DMD: variants seen among roughly 807,000 people sequenced by gnomAD.
DMD encodes the protein dystrophin, also known as mutant dystrophin.
Under a neutral mutation model 330.1 loss-of-function variants are expected in DMD, and 63 were observed. The observed-to-expected ratio is 0.19, with a 90% CI of 0.16 to 0.24. The LOEUF is 0.24. DMD is among the 10% of genes least tolerant of loss of function. The pLI, the probability that DMD is intolerant of heterozygous loss-of-function variation, is 1.00. For synonymous variants in DMD, 1,223 were observed against 959.8 expected, an observed-to-expected ratio of 1.27 and a Z score of -5.07; for missense variants, 3,344 against 2,684.1, an observed-to-expected ratio of 1.25 and a Z score of -5.43.
At chrX:31,951,418 A>G (rs976362698) in intron 45 of DMD, among the ~76,000 whole-genome samples, 2 of 107,510 alleles carry the variant, frequency 1.9e-5, no homozygotes, top group Non-Finnish European at 3.9e-5. Context: ...TTGCAATTAC[A>G]TGTGCCATAT....
At chrX:31,591,723 A>G (rs2076881936) in intron 55 of DMD, among the ~76,000 whole-genome samples, 2 of 111,414 alleles carry the variant, frequency 1.8e-5, no homozygotes, top group Non-Finnish European at 3.8e-5. Flanking sequence ...CTCTCATTAT[A>G]TTTAATTTCC....
At chrX:32,168,291 C>G (rs938562714) in intron 44 of DMD, among the ~76,000 whole-genome samples, 1 of 111,457 alleles carries the variant, frequency 9.0e-6, no homozygotes, top group Non-Finnish European at 1.9e-5. Context: ...CTCCCCAATG[C>G]TAGACTAACA....
intron 49 of DMD, among the ~76,000 whole-genome samples, chrX:31,829,577 G>GA (rs1200682851): frequency 3.6e-5 from 4 of 110,816 alleles, no homozygotes; most frequent in African/African-American, 1.3e-4. Flanking sequence ...TTAAGACAAG[G>GA]AAAAAAGCCT....
At chrX:31,885,809 A>G (rs949317115) in intron 47 of DMD, among the ~76,000 whole-genome samples, 10 of 110,431 alleles carry the variant, frequency 9.1e-5, no homozygotes, top group Admixed American at 7.8e-4. Context: ...AAGTAAACAT[A>G]TTTTGAAAAT....
intron 50 of DMD, among the ~76,000 whole-genome samples, chrX:31,814,038 T>C (rs1266826364): frequency 9.0e-6 from 1 of 110,935 alleles, no homozygotes; most frequent in Non-Finnish European, 1.9e-5. Context: ...AGAAACAGTC[T>C]GTTGATCCCT....
chrX:31,576,440 T>C (rs1462480217), intron 55 of DMD, among the ~76,000 whole-genome samples: 1 of 110,809 alleles, frequency 9.0e-6, no homozygotes, highest in African/African-American at 3.3e-5. Context: ...ATTACTTTTT[T>C]TTTTTTTTAA....
At chrX:31,619,507 A>C (rs1383692751) in intron 55 of DMD, among the ~76,000 whole-genome samples, 1 of 111,948 alleles carries the variant, frequency 8.9e-6, no homozygotes, top group East Asian at 2.8e-4. Context: ...ATTAATAAGG[A>C]CCTTTCACTT....
chrX:33,308,629 G>A (rs959392209), intron 1 of DMD, among the ~76,000 whole-genome samples: 8 of 111,375 alleles, frequency 7.2e-5, no homozygotes, highest in Admixed American at 4.8e-4. Flanking sequence ...CCAATTGAGT[G>A]TTTTCCAAAG....
At chrX:32,078,392 C>G (rs1239009027) in intron 44 of DMD, among the ~76,000 whole-genome samples, 1 of 112,098 alleles carries the variant, frequency 8.9e-6, no homozygotes, top group Non-Finnish European at 1.9e-5. Context: ...AATGACTGGT[C>G]TTTTTATTCC....
At chrX:32,348,273 AT>A in intron 38 of DMD, 132 bp downstream of exon 38, 1 of 660,879 alleles carries the variant, frequency 1.5e-6, no homozygotes, top group Non-Finnish European at 2.3e-6. Context: ...AATATTCTGC[AT>A]TTATAAAATT....
intron 2 of DMD, among the ~76,000 whole-genome samples, chrX:32,996,042 C>A (rs945201436): frequency 2.7e-5 from 3 of 111,976 alleles, no homozygotes; most frequent in Non-Finnish European, 5.6e-5. Flanking sequence ...AGGTCATTTT[C>A]TTTCCAAGTA....
intron 48 of DMD, among the ~76,000 whole-genome samples, chrX:31,837,655 T>C (rs2093231531): frequency 9.0e-6 from 1 of 111,677 alleles, no homozygotes; most frequent in African/African-American, 3.3e-5. Context: ...GAGCAGCTCC[T>C]GATTAACCCG....
intron 2 of DMD, among the ~76,000 whole-genome samples, chrX:32,961,069 A>G (rs1480814176): frequency 9.0e-6 from 1 of 111,667 alleles, no homozygotes; most frequent in African/African-American, 3.3e-5. Flanking sequence ...TGGAAGCATA[A>G]AATATATATT....
intron 50 of DMD, among the ~76,000 whole-genome samples, chrX:31,816,923 C>A (rs2092646297): frequency 9.0e-6 from 1 of 111,550 alleles, no homozygotes; most frequent in South Asian, 3.8e-4. Flanking sequence ...TGCTGGCCAG[C>A]TGCATCTGTA....
chrX:32,190,645 A>G (rs1201932472), intron 44 of DMD, among the ~76,000 whole-genome samples: 3 of 101,383 alleles, frequency 3.0e-5, no homozygotes, highest in Non-Finnish European at 6.0e-5. Flanking sequence ...TTTAAGAGAT[A>G]TTTTCTATCA....
chrX:32,201,115 A>C (rs1030273408), intron 44 of DMD, among the ~76,000 whole-genome samples: 2 of 111,991 alleles, frequency 1.8e-5, no homozygotes, highest in Admixed American at 9.5e-5. Context: ...TGGATGTCTG[A>C]AACTGCAGAT....
chrX:31,199,551 T>A (rs948825587), intron 67 of DMD, among the ~76,000 whole-genome samples: 1 of 112,198 alleles, frequency 8.9e-6, no homozygotes, highest in African/African-American at 3.2e-5. Flanking sequence ...GGTGATTTCC[T>A]TTTCTAAGTG....
Position 32,024,458 on chromosome X carries a change from G to T in DMD, c.6439-55944C>A, listed in dbSNP as rs750413156. On this transcript the variant is annotated intron_variant, in intron 44 of 78. Coordinates refer to ENST00000357033, the MANE Select transcript of DMD (RefSeq NM_004006.3). ...GCTGAGATTGCGCCACCTCACTCCAGCCTGGGCGAAAGAGCGAAACTCCCT... is the reference window on the plus strand; with the variant it reads ...GCTGAGATTGCGCCACCTCACTCCATCCTGGGCGAAAGAGCGAAACTCCCT... Among the ~76,000 whole-genome samples, 4 of 95,165 alleles carry T rather than the reference G, an allele frequency of 4.2e-5. No homozygotes were observed. In the East Asian group the frequency reaches 1.3e-3, roughly 32 times the overall value. 82.6% of individuals were successfully genotyped at this position (95,165 alleles called of 115,157 possible). A position where few individuals can be genotyped will look rare whatever the true frequency, so the allele number is the denominator to read the frequency against.
In DMD at chrX:32,501,848, G is replaced by A. The variant is rs2044088344; in HGVS notation, c.2293-6C>T. On this transcript the variant is annotated splice_polypyrimidine_tract_variant and splice_region_variant and intron_variant, in intron 18 of 78. Coordinates refer to ENST00000357033, the MANE Select transcript of DMD (RefSeq NM_004006.3). Reference sequence around the variant, plus strand: ...GCTTTTTCTCGCTCTATGGCCTGCAGCATGAGAGCAAAGATGAGTAATTCA... The same window carrying A: ...GCTTTTTCTCGCTCTATGGCCTGCAACATGAGAGCAAAGATGAGTAATTCA... 8.5e-7 allele frequency: 1 copy of A among 1,175,921 alleles called. No homozygotes were observed. Among genetic ancestry groups the A allele is most frequent in the Non-Finnish European group, 1.2e-6 (1 of 866,235 alleles).
Sources: gnomAD v4.1 joint callset for allele counts (sites outside exome capture counted in the v4.1 genomes callset) on GRCh38, gnomAD v4.1.1 for gene constraint, MANE v1.5 for transcripts, NCBI Gene and HGNC (gene_info 2026-07-23, HGNC 2026-07-21) for gene names.